PRX: variants seen among roughly 807,000 people sequenced by gnomAD.
PRX encodes periaxin.
Under a neutral mutation model 29.6 loss-of-function variants are expected in PRX, and 24 were observed. The observed-to-expected ratio is 0.81, with a 90% CI of 0.59 to 1.14. The LOEUF (loss-of-function observed/expected upper bound fraction) is 1.14. Ranked by LOEUF, PRX falls within the 50% of genes most tolerant of loss-of-function variation. The pLI is 0.00. For synonymous variants in PRX, 772 were observed against 831.7 expected, an observed-to-expected ratio of 0.93 and a Z score of 1.24; for missense variants, 1,838 against 1,926.4, an observed-to-expected ratio of 0.95 and a Z score of 0.86.
chr19:40,398,283 CT>C lies in PRX; in HGVS notation c.382-314del. On this transcript the variant is annotated intron_variant, in intron 6 of 6. Coordinates refer to ENST00000324001, the MANE Select transcript of PRX (RefSeq NM_181882.3). This position sits in a 1 kb window ranked among gnomAD's most constrained non-coding sequence, Gnocchi z 6.3. Reference sequence around the variant, plus strand: ...AACTGAGGCCCAGGGAGAGAAACAACTTTGTCCAGGGCCACTCAGCAGTAAT... The same window carrying C: ...AACTGAGGCCCAGGGAGAGAAACAACTTGTCCAGGGCCACTCAGCAGTAAT... The C allele has an allele frequency of 7.1e-7, 1 of 1,416,254 alleles. No individual in the cohort carries two copies. The highest frequency in any genetic ancestry group is 1.6e-5 in the South Asian group (1 of 62,678). The allele number at this position is 1,416,254 out of a possible 1,614,324, so 87.7% of individuals were successfully genotyped here. A position where few individuals can be genotyped will look rare whatever the true frequency, so the allele number is the denominator to read the frequency against.
rs1209779548 is a variant in PRX, at chr19:40,398,360, G to A, written c.381+260C>T. On this transcript the variant is annotated intron_variant, in intron 6 of 6. Coordinates refer to ENST00000324001, the MANE Select transcript of PRX (RefSeq NM_181882.3). The surrounding 1 kb of genome is among the most constrained non-coding windows in gnomAD (Gnocchi z 6.3). The stretch of plus-strand genomic sequence containing the variant: ...GGCTTTCCTGGTTCGAAGTAGCCTG[G>A]TTCAGGACCCCTAGCAAGCCTGGAT... 2 of 1,433,856 alleles carry A rather than the reference G, an allele frequency of 1.4e-6. No individual in the cohort carries two copies. The highest frequency in any genetic ancestry group is 2.5e-5 in the East Asian group (1 of 39,990). The allele number at this position is 1,433,856 out of a possible 1,614,324, so 88.8% of individuals were successfully genotyped here.
chr19:40,410,654 C>T (rs755759529), intron 1 of PRX, among the ~76,000 whole-genome samples: 1 of 152,162 alleles, frequency 6.6e-6, no homozygotes, highest in African/African-American at 2.4e-5. Context: ...GGGTGGATCA[C>T]GAGGTCAGGG....
Position 40,398,744 on chromosome 19 carries a change from C to A in PRX, c.257G>T (p.Cys86Phe), listed in dbSNP as rs565094384. The change falls in exon 6 of 7, where the codon TGC becomes TTC. Residue 86 changes from cysteine (C) to phenylalanine (F), a missense_variant. Physicochemically the swap from Cys to Phe is radical, Grantham distance 205. Around this residue, in one of 3 missense-constraint regions of PRX, gnomAD observed 666 missense variants for 665.0 expected, o/e 1.00. Coordinates refer to ENST00000324001, the MANE Select transcript of PRX (RefSeq NM_181882.3). The surrounding 1 kb of genome is among the most constrained non-coding windows in gnomAD (Gnocchi z 6.3). ...GAAGGAGACTTTGTAAGGCTCGGCG[C>A]ATTGCAGCAGGCGTAGTGCGTCCTC... ...KYEDALRLLQ[C>F]AEPYKVSFCL... 4 of 1,614,118 alleles carry A rather than the reference C, an allele frequency of 2.5e-6. No individual in the cohort carries two copies. In the Admixed American group the frequency reaches 5.0e-5, roughly 20 times the overall value.
intron 1 of PRX, among the ~76,000 whole-genome samples, chr19:40,411,138 C>T (rs2079556684): frequency 2.0e-5 from 3 of 152,224 alleles, no homozygotes; most frequent in South Asian, 2.1e-4. Flanking sequence ...AGCTAGGACC[C>T]GTGCCTGCCC....
At chr19:40,414,251 A>G (rs1354399622), upstream of PRX, among the ~76,000 whole-genome samples, 1 of 151,990 alleles carries the variant, frequency 6.6e-6, no homozygotes, top group Non-Finnish European at 1.5e-5. Context: ...GCCCCCTCAA[A>G]TAGCTGGGAC....
In PRX at chr19:40,396,568, A is replaced by T; in HGVS notation, c.1784T>A (p.Leu595His). The T allele has an allele frequency of 6.2e-7, 1 of 1,613,906 alleles. No individual in the cohort carries two copies. The highest frequency in any genetic ancestry group is 1.3e-5 in the African/African-American group (1 of 74,910). The change falls in exon 7 of 7, where the codon CTT becomes CAT. Residue 595 changes from leucine to histidine, a missense_variant. Leu to His is a moderately conservative substitution (Grantham distance 99). This residue lies in a region of PRX where 1,143 missense variants were observed against 1,193.0 expected (regional missense o/e 0.96). Coordinates refer to ENST00000324001, the MANE Select transcript of PRX (RefSeq NM_181882.3). Reference sequence around the variant, plus strand: ...CACTTCAGGGAGTTTCATCTCAGGAAGTTTCATCTCAGGCACCTTTGGAAG... The same window carrying T: ...CACTTCAGGGAGTTTCATCTCAGGATGTTTCATCTCAGGCACCTTTGGAAG... ...MKLPKVPEMK[L>H]PEMKLPEVQL... is the part of the protein sequence containing the mutation.
upstream of PRX, among the ~76,000 whole-genome samples, chr19:40,414,051 T>A (rs1316710880): frequency 6.6e-6 from 1 of 152,174 alleles, no homozygotes; most frequent in South Asian, 2.1e-4. Flanking sequence ...GGGACACCTA[T>A]CACATACTAA....
In PRX at chr19:40,398,819, G is replaced by A. The variant is rs1403054037; in HGVS notation, c.185-3C>T. On this transcript the variant is annotated splice_region_variant and splice_polypyrimidine_tract_variant and intron_variant, in intron 5 of 6. Transcript: ENST00000324001. The surrounding 1 kb of genome is among the most constrained non-coding windows in gnomAD (Gnocchi z 6.3). ...TCGGGCACTCAGCAGCTGGTCCCCT[G>A]CGGGCGAGGTGGAGGTGCGCAGCAC... 6.2e-7 allele frequency: 1 copy of A among 1,613,968 alleles called. No homozygotes were observed. Among genetic ancestry groups the A allele is most frequent in the South Asian group, 1.1e-5 (1 of 91,084 alleles).
Position 40,397,275 on chromosome 19 carries a change from G to T in PRX, c.1077C>A (p.Arg359=). 1 of 1,613,610 alleles carries T rather than the reference G, an allele frequency of 6.2e-7. No individual in the cohort carries two copies. Among genetic ancestry groups the T allele is most frequent in the Non-Finnish European group, 8.5e-7 (1 of 1,180,022 alleles). ...EAPEVALKMP[R]LSFPRFGARA... is the part of the protein sequence containing the mutation. ...GAGCCCCAAATCGGGGAAAACTAAG[G>T]CGGGGCATCTTCAGGGCCACCTCAG... The change falls in exon 7 of 7, where the codon CGC becomes CGA. Residue 359 remains arginine (R), a synonymous_variant. Transcript: ENST00000324001.
intron 5 of PRX, among the ~76,000 whole-genome samples, chr19:40,399,943 TTCTTTC>T (rs1421314076): frequency 3.5e-5 from 5 of 143,056 alleles, no homozygotes; most frequent in Non-Finnish European, 6.2e-5. Flanking sequence ...TTTCTTTCCT[TTCTTTC>T]TCTTTCTTTC....
rs184693163 is a variant in PRX at position 40,398,180 on chromosome 19, G to A, written c.382-210C>T. The A allele has an allele frequency of 1.2e-3, 1,688 of 1,427,188 alleles. 7 individuals are homozygous for A. The highest frequency in any genetic ancestry group is 4.5e-3 in the South Asian group (292 of 65,450). The allele number at this position is 1,427,188 out of a possible 1,614,324, so 88.4% of individuals were successfully genotyped here. ...CTAGGATCTCCAAATGAGTCAACAG[G>A]AGTGTAGGGACGGGGACCCAAGACT... On this transcript the variant is annotated intron_variant, in intron 6 of 6. Transcript: ENST00000324001. The surrounding 1 kb of genome is among the most constrained non-coding windows in gnomAD (Gnocchi z 6.3).
Position 40,403,880 on chromosome 19 carries a change from G to T in PRX, c.28-18C>A. The T allele has an allele frequency of 1.2e-6, 2 of 1,604,520 alleles. No individual in the cohort carries two copies. Among genetic ancestry groups the T allele is most frequent in the Non-Finnish European group, 8.5e-7 (1 of 1,178,534 alleles). ...CTCAGCTCCTGCAGAGGGCGGCGAG[G>T]TGTCGCGTTGGGGCTCTAGGGCCGG... On this transcript the variant is annotated intron_variant, in intron 4 of 6. Transcript: ENST00000324001.
chr19:40,403,978 C>T (rs754458431), intron 4 of PRX, 116 bp from the exon 5 acceptor site: 445 of 1,226,870 alleles, frequency 3.6e-4, no homozygotes, highest in Non-Finnish European at 4.9e-4. Context: ...TATTTAGAGA[C>T]GGGGGTGGGG....
At position 40,411,391 on chromosome 19, in the gene PRX, T is replaced by C. The variant is rs1426256210; in HGVS notation, c.-243+1947A>G. Among the ~76,000 whole-genome samples the C allele has an allele frequency of 6.6e-5, 10 of 152,122 alleles. 1 individual carries two copies. Among genetic ancestry groups the C allele is most frequent in the Admixed American group, 5.9e-4 (9 of 15,278 alleles). ...CTTGAGCCCAGGTGTGAAAGCGAAC[T>C]CAGTTCCCTTACCCAGGACTGATAC... On this transcript the variant is annotated intron_variant, in intron 1 of 6. Transcript: ENST00000324001.
intron 4 of PRX, 74 bp from the exon 5 acceptor site, chr19:40,403,936 C>T: frequency 6.6e-7 from 1 of 1,519,430 alleles, no homozygotes; most frequent in Non-Finnish European, 8.9e-7. Flanking sequence ...TTGCGCTCAA[C>T]AGTGGCTCAT....
intron 4 of PRX, 188 bp downstream of exon 4, chr19:40,407,718 C>T: frequency 2.6e-6 from 2 of 766,560 alleles, no homozygotes; most frequent in South Asian, 3.2e-5. Flanking sequence ...CCAGATGCTG[C>T]ACTAAGGACA....
At chr19:40,405,670 G>A (rs569138584) in intron 4 of PRX, among the ~76,000 whole-genome samples, 2 of 114,974 alleles carry the variant, frequency 1.7e-5, no homozygotes, top group East Asian at 5.8e-4. Context: ...GCGGAGTCTC[G>A]CTCTGTCACC....
intron 5 of PRX, among the ~76,000 whole-genome samples, chr19:40,401,558 T>C (rs1279627187): frequency 6.6e-6 from 1 of 152,104 alleles, no homozygotes; most frequent in East Asian, 1.9e-4. Flanking sequence ...TAAAGCCCTC[T>C]AAAAAGTGTC....
At chr19:40,403,128 C>T (rs934353396) in intron 5 of PRX, among the ~76,000 whole-genome samples, 1 of 152,200 alleles carries the variant, frequency 6.6e-6, no homozygotes, top group Non-Finnish European at 1.5e-5. Context: ...CGAGATCGTG[C>T]CATTGCACTC....
Sources: allele counts gnomAD v4.1 joint callset (sites outside exome capture counted in the v4.1 genomes callset), GRCh38; gene constraint gnomAD v4.1.1; regional missense constraint gnomAD v4.1.1; non-coding constraint Gnocchi (gnomAD v3.1); transcripts MANE v1.5; gene names NCBI Gene and HGNC (gene_info 2026-07-23, HGNC 2026-07-21).